PGR: variants seen among roughly 807,000 people sequenced by gnomAD.
PGR encodes nuclear receptor subfamily 3 group C member 3.
A neutral mutation model predicts 76.1 loss-of-function variants in PGR; 25 were observed. The observed-to-expected ratio is 0.33, with a 90% CI of 0.24 to 0.46. The LOEUF is 0.46. PGR is among the 20% of genes least tolerant of loss of function. PGR has a pLI of 1.00. For synonymous variants in PGR, 579 were observed against 535.0 expected (o/e 1.08, Z -1.14); for missense variants, 1,172 against 1,225.3 (o/e 0.96, Z 0.65).
chr11:101,053,949 A>G (rs1167284960), intron 4 of PGR, among the ~76,000 whole-genome samples: 1 of 152,106 alleles, frequency 6.6e-6, no homozygotes, highest in African/African-American at 2.4e-5. Context: ...GGCTTGGGGC[A>G]TAGGTTTGGC....
intron 4 of PGR, among the ~76,000 whole-genome samples, chr11:101,056,037 G>A (rs1224878680): frequency 2.0e-5 from 3 of 152,076 alleles, no homozygotes; most frequent in Admixed American, 2.0e-4. Context: ...AACATGCCTA[G>A]TATAGAAATG....
intron 3 of PGR, among the ~76,000 whole-genome samples, chr11:101,086,863 G>A (rs1474424949): frequency 6.6e-6 from 1 of 151,664 alleles, no homozygotes; most frequent in Non-Finnish European, 1.5e-5. Context: ...AAATACCTAG[G>A]TATACATATA....
intron 4 of PGR, among the ~76,000 whole-genome samples, chr11:101,059,121 A>G (rs1860393716): frequency 4.6e-5 from 7 of 151,772 alleles, no homozygotes; most frequent in Admixed American, 4.6e-4. Context: ...TATTTCAGCC[A>G]TACTGTTCCT....
chr11:101,098,584 G>A (rs1045225509), intron 2 of PGR, among the ~76,000 whole-genome samples: 1 of 152,154 alleles, frequency 6.6e-6, no homozygotes, highest in Admixed American at 6.6e-5. Context: ...GGAAAAAAAG[G>A]TAGGTAAATC....
At chr11:101,119,235 T>G (rs555430261) in intron 2 of PGR, among the ~76,000 whole-genome samples, 4 of 152,206 alleles carry the variant, frequency 2.6e-5, no homozygotes, top group Non-Finnish European at 5.9e-5. Flanking sequence ...CACCGGACCA[T>G]GGACTGGCTG....
intron 4 of PGR, among the ~76,000 whole-genome samples, chr11:101,062,059 T>A (rs1462715872): frequency 6.6e-6 from 1 of 152,194 alleles, no homozygotes; most frequent in Non-Finnish European, 1.5e-5. Flanking sequence ...ACTTTATACA[T>A]TCAGTTTTAT....
chr11:101,054,099 T>C (rs558993119), intron 4 of PGR, among the ~76,000 whole-genome samples: 59 of 152,338 alleles, frequency 3.9e-4, no homozygotes, highest in African/African-American at 1.4e-3. Flanking sequence ...TTTTTAGCCC[T>C]TCAGATGTGC....
rs1299514234 is a variant in PGR at position 101,031,561 on chromosome 11, G to A, written c.*7555C>T. On this transcript the variant is annotated 3_prime_UTR_variant, in exon 8 of 8. Coordinates refer to ENST00000325455, the MANE Select transcript of PGR (RefSeq NM_000926.4). ...AGCTCCAAGGCTGTGGAGGGCTCATGAAGTCACAATGTTCTACTGAGAATT... is the reference window on the plus strand; with the variant it reads ...AGCTCCAAGGCTGTGGAGGGCTCATAAAGTCACAATGTTCTACTGAGAATT... 4.5e-6 allele frequency: 1 copy of A among 221,050 alleles called. No homozygotes were observed. The highest frequency in any genetic ancestry group is 2.2e-5 in the African/African-American group (1 of 44,462). The allele number at this position is 221,050 out of a possible 1,614,324, so 13.7% of individuals were successfully genotyped here. A position where few individuals can be genotyped will look rare whatever the true frequency, so the allele number is the denominator to read the frequency against.
rs188195145 is a variant in PGR, at chr11:101,064,459, T to A, written c.1907-1707A>T. ...AAAAAACAAAGGGGATTCAAAATTA[T>A]TTGCAGAGATCAAATGAGCTTTCTG... On this transcript the variant is annotated intron_variant, in intron 3 of 7. Coordinates refer to ENST00000325455, the MANE Select transcript of PGR (RefSeq NM_000926.4). Among the ~76,000 whole-genome samples the A allele has an allele frequency of 1.7e-3, 255 of 151,028 alleles. 1 individual carries two copies. The highest frequency in any genetic ancestry group is 3.4e-3 in the Middle Eastern group (1 of 290).
intron 3 of PGR, among the ~76,000 whole-genome samples, chr11:101,068,975 A>G (rs1037539298): frequency 6.6e-6 from 1 of 152,194 alleles, no homozygotes; most frequent in African/African-American, 2.4e-5. Flanking sequence ...CTTCATGACT[A>G]AAACACCAAA....
chr11:101,046,635 G>C (rs996573548), intron 6 of PGR, among the ~76,000 whole-genome samples: 1 of 151,922 alleles, frequency 6.6e-6, no homozygotes, highest in Non-Finnish European at 1.5e-5. Context: ...TGAGATTGAA[G>C]ATTATTTCTA....
chr11:101,078,598 A>G (rs962245622), intron 3 of PGR, among the ~76,000 whole-genome samples: 3 of 152,196 alleles, frequency 2.0e-5, no homozygotes, highest in Middle Eastern at 3.2e-3. Flanking sequence ...GCAGTGAACT[A>G]AAGCAAAAGT....
chr11:101,075,290 C>T (rs1861084776), intron 3 of PGR, among the ~76,000 whole-genome samples: 1 of 152,074 alleles, frequency 6.6e-6, no homozygotes, highest in Admixed American at 6.5e-5. Flanking sequence ...AAAGTGGACC[C>T]CTTCCTTACA....
At chr11:101,053,257 T>C (rs1015977641) in intron 4 of PGR, among the ~76,000 whole-genome samples, 1 of 152,166 alleles carries the variant, frequency 6.6e-6, no homozygotes, top group African/African-American at 2.4e-5. Flanking sequence ...AAGAAAGTTA[T>C]TTCCTGACAA....
chr11:101,098,937 T>C (rs1456419393), intron 2 of PGR, among the ~76,000 whole-genome samples: 1 of 152,040 alleles, frequency 6.6e-6, no homozygotes, highest in Non-Finnish European at 1.5e-5. Flanking sequence ...ATAAACAAAA[T>C]AAAATATTGG....
rs1046352526 is a variant in PGR at position 101,032,420 on chromosome 11, C to T, written c.*6696G>A. The stretch of plus-strand genomic sequence containing the variant: ...CCTGTTTACAACAGAATCAAGTCTA[C>T]ACTCTTTAACATGGTGTACAAGGCC... On this transcript the variant is annotated 3_prime_UTR_variant, in exon 8 of 8. Coordinates refer to ENST00000325455, the MANE Select transcript of PGR (RefSeq NM_000926.4). The T allele has an allele frequency of 1.3e-5, 3 of 232,422 alleles. No homozygotes were observed. Among genetic ancestry groups the T allele is most frequent in the African/African-American group, 2.2e-5 (1 of 45,290 alleles). 14.4% of individuals were successfully genotyped at this position (232,422 alleles called of 1,614,324 possible).
chr11:101,042,977 G>T (rs1358724461), intron 6 of PGR, among the ~76,000 whole-genome samples: 1 of 152,156 alleles, frequency 6.6e-6, no homozygotes, highest in Non-Finnish European at 1.5e-5. Flanking sequence ...GATGGCTGCT[G>T]ATTGGCCAGG....
In PGR at chr11:101,127,523, G is replaced by T. The variant is rs1325953122; in HGVS notation, c.1548C>A (p.Gly516=). 6.5e-7 allele frequency: 1 copy of T among 1,532,100 alleles called. No individual in the cohort carries two copies. The highest frequency in any genetic ancestry group is 8.7e-7 in the Non-Finnish European group (1 of 1,144,220). 94.9% of individuals were successfully genotyped at this position (1,532,100 alleles called of 1,614,324 possible). A position where few individuals can be genotyped will look rare whatever the true frequency, so the allele number is the denominator to read the frequency against. The change falls in exon 1 of 8, where the codon GGC becomes GGA. Residue 516 remains glycine, a synonymous_variant. Transcript: ENST00000325455. ...AGCCGAGCTGCGGGAGCCCGTTGAG[G>T]CCGAGTGCAGGGTAGAGCGCGGGGG... ...GAAPALYPAL[G]LNGLPQLGYQ...
At chr11:101,086,649 C>G (rs771576221) in intron 3 of PGR, among the ~76,000 whole-genome samples, 12 of 152,150 alleles carry the variant, frequency 7.9e-5, no homozygotes, top group Admixed American at 5.2e-4. Context: ...CAAACTATCT[C>G]TCTTGCATAT....
Sources: gnomAD v4.1 joint callset for allele counts (sites outside exome capture counted in the v4.1 genomes callset) on GRCh38, gnomAD v4.1.1 for gene constraint, MANE v1.5 for transcripts, NCBI Gene and HGNC (gene_info 2026-07-23, HGNC 2026-07-21) for gene names.